OTUD7A: variants seen among roughly 807,000 people sequenced by gnomAD.
The protein encoded by OTUD7A is OTU domain-containing protein 7A.
Under a neutral mutation model 65.7 loss-of-function variants are expected in OTUD7A, and 12 were observed. That is an observed-to-expected ratio of 0.18 (90% CI 0.12 to 0.30). The LOEUF (loss-of-function observed/expected upper bound fraction) is 0.30, where lower values mean the gene tolerates loss of function less well. Ranked by LOEUF, OTUD7A falls within the 10% of genes least tolerant of loss-of-function variation. OTUD7A has a pLI of 1.00. For synonymous variants in OTUD7A, 641 were observed against 586.3 expected (o/e 1.09, Z -1.35); for missense variants, 1,148 against 1,304.8 (o/e 0.88, Z 1.85).
intron 1 of OTUD7A, among the ~76,000 whole-genome samples, chr15:31,663,539 G>A (rs867704794): frequency 4.7e-4 from 71 of 150,058 alleles, no homozygotes; most frequent in African/African-American, 1.7e-3. Context: ...GTGGTGTTTG[G>A]TTTTCTGTTC....
At chr15:31,488,865 C>G (rs1304040877) in intron 10 of OTUD7A, among the ~76,000 whole-genome samples, 1 of 152,240 alleles carries the variant, frequency 6.6e-6, no homozygotes, top group African/African-American at 2.4e-5. Flanking sequence ...AAGGGAAATG[C>G]AGCTTTGCTG....
intron 1 of OTUD7A, among the ~76,000 whole-genome samples, chr15:31,795,583 A>G (rs961003): frequency 0.99 from 150,415 of 152,300 alleles, 74,308 homozygotes; most frequent in Middle Eastern, 1. Flanking sequence ...GCCAGGGCAG[A>G]TGCCATGGAG....
chr15:31,822,176 C>G (rs534468073), intron 1 of OTUD7A, among the ~76,000 whole-genome samples: 3 of 152,326 alleles, frequency 2.0e-5, no homozygotes, highest in Admixed American at 1.3e-4. Flanking sequence ...TGGTAGCTCT[C>G]TGAAGTGAGG....
rs186183028 is a variant in OTUD7A at position 31,499,364 on chromosome 15, G to A, written c.1171+2326C>T. The stretch of plus-strand genomic sequence containing the variant: ...CCTGTGCTTCACAGTGGGGGCCGGT[G>A]GCATCCTGGGGCTCGATATTCTGGA... On this transcript the variant is annotated intron_variant, in intron 10 of 12. Coordinates refer to ENST00000307050, the MANE Select transcript of OTUD7A (RefSeq NM_001382637.1). Among the ~76,000 whole-genome samples the A allele has an allele frequency of 5.3e-3, 814 of 152,264 alleles. 7 individuals are homozygous for A. The highest frequency in any genetic ancestry group is 0.01 in the Middle Eastern group (3 of 294).
intron 3 of OTUD7A, among the ~76,000 whole-genome samples, chr15:31,610,318 G>A (rs533747512): frequency 6.6e-6 from 1 of 151,942 alleles, no homozygotes; most frequent in African/African-American, 2.4e-5. Context: ...GGTACTAATA[G>A]ATCTAAGAAA....
At chr15:31,612,788 A>C (rs1305649149) in intron 3 of OTUD7A, among the ~76,000 whole-genome samples, 1 of 152,230 alleles carries the variant, frequency 6.6e-6, no homozygotes, top group African/African-American at 2.4e-5. Flanking sequence ...GAATTAGAAA[A>C]AACAATTCTA....
chr15:31,552,657 C>T (rs566959490), intron 5 of OTUD7A, among the ~76,000 whole-genome samples: 27 of 152,340 alleles, frequency 1.8e-4, no homozygotes, highest in Admixed American at 9.8e-4. Context: ...GTGACCACTA[C>T]GCTGAGGAGA....
At chr15:31,598,958 C>T (rs1225732780) in intron 3 of OTUD7A, among the ~76,000 whole-genome samples, 2 of 152,082 alleles carry the variant, frequency 1.3e-5, no homozygotes, top group African/African-American at 4.8e-5. Context: ...CCTCTGGACT[C>T]CTCCTCTCTG....
chr15:31,518,521 G>A (rs934644387), intron 8 of OTUD7A, among the ~76,000 whole-genome samples: 6 of 152,174 alleles, frequency 3.9e-5, no homozygotes, highest in African/African-American at 1.4e-4. Context: ...ACGTATGAAT[G>A]TGAGTAAATG....
At position 31,654,028 on chromosome 15, in the gene OTUD7A, T is replaced by A. The variant is rs1052745652; in HGVS notation, c.151+1068A>T. 3.0e-5 allele frequency among the ~76,000 whole-genome samples: 3 copies of A among 98,720 alleles called. No homozygotes were observed. In the South Asian group the frequency reaches 1.3e-3, roughly 44 times the overall value. The allele number at this position is 98,720 out of a possible 152,430, so 64.8% of individuals were successfully genotyped here. A position where few individuals can be genotyped will look rare whatever the true frequency, so the allele number is the denominator to read the frequency against. On this transcript the variant is annotated intron_variant, in intron 3 of 12. Coordinates refer to ENST00000307050, the MANE Select transcript of OTUD7A (RefSeq NM_001382637.1). ...AAGGGAAGTAAAATAATTTGTCCTA[T>A]ATCTCATAGTTGATAAGTGGCTGAA...
At chr15:31,777,205 A>G (rs1443077831) in intron 1 of OTUD7A, among the ~76,000 whole-genome samples, 1 of 152,116 alleles carries the variant, frequency 6.6e-6, no homozygotes, top group Non-Finnish European at 1.5e-5. Flanking sequence ...TCCTCACATG[A>G]CAGCCTTTTG....
At chr15:31,822,078 T>C (rs1048768886) in intron 1 of OTUD7A, among the ~76,000 whole-genome samples, 6 of 152,210 alleles carry the variant, frequency 3.9e-5, no homozygotes, top group Non-Finnish European at 8.8e-5. Context: ...TCCTTAAAGG[T>C]AGTATTTGCA....
At chr15:31,584,882 T>A (rs971516329) in intron 3 of OTUD7A, among the ~76,000 whole-genome samples, 5 of 152,202 alleles carry the variant, frequency 3.3e-5, no homozygotes, top group African/African-American at 1.2e-4. Flanking sequence ...AGAAATCCTA[T>A]GTGCCCTCTT....
chr15:31,752,230 C>T (rs182601029), intron 1 of OTUD7A, among the ~76,000 whole-genome samples: 1 of 151,948 alleles, frequency 6.6e-6, no homozygotes, highest in Non-Finnish European at 1.5e-5. Flanking sequence ...TGAAAACATG[C>T]AATGCTAAAG....
intron 1 of OTUD7A, among the ~76,000 whole-genome samples, chr15:31,811,673 G>A (rs1896420968): frequency 6.6e-6 from 1 of 152,168 alleles, no homozygotes; most frequent in South Asian, 2.1e-4. Context: ...AAGGGTAGTA[G>A]AGAGGTGCCT....
At chr15:31,653,534 T>C (rs1320766340) in intron 3 of OTUD7A, among the ~76,000 whole-genome samples, 1 of 139,068 alleles carries the variant, frequency 7.2e-6, no homozygotes, top group Non-Finnish European at 1.6e-5. Flanking sequence ...AGGACATTTA[T>C]CTGACATTCT....
In OTUD7A at chr15:31,475,470, T is replaced by A. The variant is rs1048333723; in HGVS notation, c.*7824A>T. 4 of 152,236 alleles carry A rather than the reference T, an allele frequency of 2.6e-5. No homozygotes were observed. Among genetic ancestry groups the A allele is most frequent in the Non-Finnish European group, 5.9e-5 (4 of 68,046 alleles). The allele number at this position is 152,236 out of a possible 1,614,324, so 9.4% of individuals were successfully genotyped here. A position where few individuals can be genotyped will look rare whatever the true frequency, so the allele number is the denominator to read the frequency against. On this transcript the variant is annotated 3_prime_UTR_variant, in exon 13 of 13. Transcript: ENST00000307050. ...TCTGTGTCAGGTAATGGAGAAGCCA[T>A]GTCACACAGATTACAGAGCTATTTT...
At chr15:31,841,607 T>G (rs1355306195) in intron 1 of OTUD7A, among the ~76,000 whole-genome samples, 1 of 152,116 alleles carries the variant, frequency 6.6e-6, no homozygotes, top group Non-Finnish European at 1.5e-5. Context: ...GAACAAACAC[T>G]GAACTAAAAC....
intron 10 of OTUD7A, among the ~76,000 whole-genome samples, chr15:31,497,862 G>A (rs1326736416): frequency 6.6e-6 from 1 of 152,182 alleles, no homozygotes; most frequent in Non-Finnish European, 1.5e-5. Flanking sequence ...TGGGGAAGAG[G>A]AAATGGGAAG....
Sources: gnomAD v4.1 joint callset for allele counts (sites outside exome capture counted in the v4.1 genomes callset) on GRCh38, gnomAD v4.1.1 for gene constraint, MANE v1.5 for transcripts, NCBI Gene and HGNC (gene_info 2026-07-23, HGNC 2026-07-21) for gene names.